Variants in SCN8A observed in about 807,000 individuals in gnomAD.
The protein encoded by SCN8A is sodium channel protein type 8 subunit alpha.
In SCN8A, 30 loss-of-function variants were observed where a neutral mutation model predicts 184.1. The observed-to-expected ratio is 0.16, with a 90% CI of 0.12 to 0.22. SCN8A has a LOEUF of 0.22. SCN8A is among the 10% of genes least tolerant of loss of function. The probability of loss-of-function intolerance (pLI) is 1.00; values close to 1 mark genes in which losing one functional copy is unlikely to be tolerated. For missense variants in SCN8A, 1,057 were observed against 2,498.9 expected (o/e 0.42, Z 12.30); for synonymous variants, 852 against 907.0 (o/e 0.94, Z 1.09).
chr12:51,708,688 T>C (rs1941823799), intron 11 of SCN8A, among the ~76,000 whole-genome samples: 1 of 152,198 alleles, frequency 6.6e-6, no homozygotes, highest in African/African-American at 2.4e-5. Flanking sequence ...CTTAACCTTA[T>C]CTTAGTTTTG....
At chr12:51,628,121 G>C (rs1241654452) in intron 1 of SCN8A, among the ~76,000 whole-genome samples, 1 of 152,184 alleles carries the variant, frequency 6.6e-6, no homozygotes, top group Admixed American at 6.5e-5. Context: ...GACATTGTAG[G>C]TTTAGTTTAG....
Position 51,807,647 on chromosome 12 carries a change from G to GA in SCN8A, c.*218_*219insA, listed in dbSNP as rs1342851656. On this transcript the variant is annotated 3_prime_UTR_variant, in exon 27 of 27. Transcript: ENST00000627620. The surrounding 1 kb of genome is among the most constrained non-coding windows in gnomAD (Gnocchi z 4.5). ...TCCCTAGACTTACAGATTTTCTAAT[G>GA]CTTGGGCAGGTGGTTACTGCATGTT... is the stretch of plus-strand genomic sequence containing the variant. 3.4e-6 allele frequency: 2 copies of GA among 592,916 alleles called. No homozygotes were observed. Among genetic ancestry groups the GA allele is most frequent in the African/African-American group, 3.7e-5 (2 of 53,712 alleles). 36.7% of individuals were successfully genotyped at this position (592,916 alleles called of 1,614,324 possible).
chr12:51,746,206 C>A (rs1052998185), intron 13 of SCN8A, among the ~76,000 whole-genome samples, 171 bp downstream of exon 13: 1 of 152,172 alleles, frequency 6.6e-6, no homozygotes, highest in African/African-American at 2.4e-5. Context: ...CCTAAATTTA[C>A]ATGCAGAGAA....
chr12:51,668,022 A>G (rs1462291066), intron 2 of SCN8A, among the ~76,000 whole-genome samples: 1 of 152,024 alleles, frequency 6.6e-6, no homozygotes, highest in African/African-American at 2.4e-5. Flanking sequence ...TGTCTCTACT[A>G]AAAATACAAA....
intron 19 of SCN8A, among the ~76,000 whole-genome samples, chr12:51,773,357 A>G (rs951180213): frequency 1.3e-4 from 20 of 152,224 alleles, no homozygotes; most frequent in Non-Finnish European, 1.2e-4. Context: ...TCACACCACC[A>G]TATAAGGGAT....
At chr12:51,716,805 A>G (rs755767077) in intron 11 of SCN8A, among the ~76,000 whole-genome samples, 15 of 152,176 alleles carry the variant, frequency 9.9e-5, no homozygotes, top group Non-Finnish European at 1.5e-4. Flanking sequence ...TCAGTGTTCT[A>G]TGTTACGCTT....
chr12:51,797,273 T>G (rs1936663021), intron 26 of SCN8A, among the ~76,000 whole-genome samples: 1 of 152,176 alleles, frequency 6.6e-6, no homozygotes, highest in South Asian at 2.1e-4. Flanking sequence ...TGCTATTACA[T>G]AAAGTTAACA....
intron 1 of SCN8A, among the ~76,000 whole-genome samples, chr12:51,622,014 T>G (rs2138598268): frequency 6.6e-6 from 1 of 152,294 alleles, no homozygotes; most frequent in South Asian, 2.1e-4. Flanking sequence ...CAAGTGCACT[T>G]TGTTCTCTGT....
intron 1 of SCN8A, among the ~76,000 whole-genome samples, chr12:51,645,867 G>A (rs1301504078): frequency 1.3e-5 from 2 of 148,758 alleles, no homozygotes; most frequent in African/African-American, 5.0e-5. Context: ...TTGTTCACTT[G>A]TTTATCTGCT....
At position 51,706,693 on chromosome 12, in the gene SCN8A, G is replaced by A. The variant is rs1057518528; in HGVS notation, c.1613G>A (p.Arg538Lys). 8 of 1,542,948 alleles carry A rather than the reference G, an allele frequency of 5.2e-6. No homozygotes were observed. The highest frequency in any genetic ancestry group is 1.4e-5 in the African/African-American group (1 of 71,870). ...AFRLPDNRIG[R>K]KFSIMNQSLL... ...CGGCTGCCAGACAACAGAATAGGGA[G>A]GAAATTTTCCATCATGAATCAGGTA... Residue 538 changes from arginine to lysine, a missense_variant, in exon 11 of 27, where the codon AGG becomes AAG. This residue lies in a region of SCN8A where 322 missense variants were observed against 390.1 expected (regional missense o/e 0.83). Coordinates refer to ENST00000627620, the MANE Select transcript of SCN8A (RefSeq NM_001330260.2).
chr12:51,775,945 C>T (rs975081281), intron 20 of SCN8A, among the ~76,000 whole-genome samples: 1 of 152,190 alleles, frequency 6.6e-6, no homozygotes, highest in Non-Finnish European at 1.5e-5. Context: ...CCACATGCCC[C>T]TGCTAAACAA....
rs1942942439 is a variant in SCN8A, at chr12:51,772,588, G to A, written c.3646-1601G>A. On this transcript the variant is annotated intron_variant, in intron 19 of 26. Coordinates refer to ENST00000627620, the MANE Select transcript of SCN8A (RefSeq NM_001330260.2). ...TGGGGTTAAGGGGAAACCTGACATGGAAGCTGTTGCCTTTTTGATTGAGCA... is the reference window on the plus strand; with the variant it reads ...TGGGGTTAAGGGGAAACCTGACATGAAAGCTGTTGCCTTTTTGATTGAGCA... Among the ~76,000 whole-genome samples, 6 of 152,130 alleles carry A rather than the reference G, an allele frequency of 3.9e-5. No homozygotes were observed. In the South Asian group the frequency reaches 1.2e-3, roughly 32 times the overall value.
At chr12:51,784,487 G>A (rs1358285122) in intron 21 of SCN8A, among the ~76,000 whole-genome samples, 8 of 152,032 alleles carry the variant, frequency 5.3e-5, no homozygotes, top group Non-Finnish European at 2.9e-5. Flanking sequence ...CCTGAGAAGG[G>A]CCTCCCCTTC....
chr12:51,758,792 A>G (rs1942718221), intron 14 of SCN8A, among the ~76,000 whole-genome samples: 1 of 151,780 alleles, frequency 6.6e-6, no homozygotes, highest in Non-Finnish European at 1.5e-5. Context: ...TTCTACATTC[A>G]GTCTGTTGTG....
intron 11 of SCN8A, among the ~76,000 whole-genome samples, chr12:51,712,012 C>T (rs983736374): frequency 1.3e-5 from 2 of 151,948 alleles, no homozygotes; most frequent in African/African-American, 4.8e-5. Context: ...AAGGAAACAC[C>T]TTCAAAACTG....
intron 6 of SCN8A, chr12:51,689,676 A>G (rs936745483): frequency 6.5e-6 from 1 of 152,828 alleles, no homozygotes; most frequent in Non-Finnish European, 1.5e-5. Flanking sequence ...CTGTCTCACT[A>G]GAATAAGAAC....
intron 11 of SCN8A, among the ~76,000 whole-genome samples, chr12:51,707,827 C>G (rs1015679647): frequency 6.6e-6 from 1 of 152,202 alleles, no homozygotes; most frequent in Non-Finnish European, 1.5e-5. Flanking sequence ...CTCAATAAGC[C>G]TAAAAACATC....
Position 51,713,545 on chromosome 12 carries a change from C to A in SCN8A, c.1635+6830C>A. On this transcript the variant is annotated intron_variant, in intron 11 of 26. Coordinates refer to ENST00000627620, the MANE Select transcript of SCN8A (RefSeq NM_001330260.2). The stretch of plus-strand genomic sequence containing the variant: ...CTTTGGGTCATGGCCCTCTTCCTGC[C>A]GGTGGCAATGTCGACGGCTGGAGTC... 5.4e-6 allele frequency: 4 copies of A among 738,706 alleles called. No individual in the cohort carries two copies. The South Asian group carries it at 5.9e-5, about 11-fold the overall frequency. 45.8% of individuals were successfully genotyped at this position (738,706 alleles called of 1,614,324 possible). A position where few individuals can be genotyped will look rare whatever the true frequency, so the allele number is the denominator to read the frequency against.
rs200027738 is a variant in SCN8A at position 51,706,542 on chromosome 12, G to A, written c.1462G>A (p.Ala488Thr). Residue 488 changes from alanine to threonine, a missense_variant, in exon 11 of 27, where the codon GCA (alanine) becomes ACA (threonine). Physicochemically the swap from Ala to Thr is moderately conservative, Grantham distance 58. This residue lies in a region of SCN8A where 322 missense variants were observed against 390.1 expected (regional missense o/e 0.83). Coordinates refer to ENST00000627620, the MANE Select transcript of SCN8A (RefSeq NM_001330260.2). ...AATCTCTAAACTCAGCTCAAAGAGT[G>A]CAAAGGAAAGACGTAACAGGAGAAA... The part of the protein sequence containing the change: ...SEISKLSSKS[A>T]KERRNRRKKR... 1.9e-6 allele frequency: 3 copies of A among 1,606,622 alleles called. No individual in the cohort carries two copies. Among genetic ancestry groups the A allele is most frequent in the Non-Finnish European group, 2.6e-6 (3 of 1,176,466 alleles).
Sources: allele counts gnomAD v4.1 joint callset (sites outside exome capture counted in the v4.1 genomes callset), GRCh38; gene constraint gnomAD v4.1.1; regional missense constraint gnomAD v4.1.1; non-coding constraint Gnocchi (gnomAD v3.1); transcripts MANE v1.5; gene names NCBI Gene and HGNC (gene_info 2026-07-23, HGNC 2026-07-21).